The following WNK1 variants were observed in gnomAD, a reference collection of about 807,000 sequenced individuals.
The protein encoded by WNK1 is WNK lysine deficient protein kinase 1, also known as serine/threonine-protein kinase WNK1.
WNK1 carries 38 observed loss-of-function variants against 222.8 expected under a neutral mutation model. That is an observed-to-expected ratio of 0.17 (90% CI 0.13 to 0.22). WNK1 has a LOEUF of 0.22. Among genes scored for constraint, WNK1 ranks in the 10% least tolerant of loss-of-function variants. WNK1 has a pLI of 1.00. For missense variants in WNK1, 2,348 were observed against 2,918.4 expected (o/e 0.80, Z 4.50); for synonymous variants, 1,090 against 1,092.9 (o/e 1.00, Z 0.05).
chr12:810,469 G>T (rs1946806477), intron 1 of WNK1, among the ~76,000 whole-genome samples: 1 of 152,254 alleles, frequency 6.6e-6, no homozygotes, highest in African/African-American at 2.4e-5. Context: ...AAATTTAAAT[G>T]TTAATAAGAC....
intron 8 of WNK1, chr12:868,573 T>A: frequency 6.2e-7 from 1 of 1,614,002 alleles, no homozygotes; most frequent in Non-Finnish European, 8.5e-7. Context: ...TTGTTCCTCA[T>A]TCTGCGCCTG....
intron 8 of WNK1, among the ~76,000 whole-genome samples, chr12:866,232 A>G (rs922397996): frequency 4.6e-5 from 7 of 152,210 alleles, no homozygotes; most frequent in African/African-American, 1.7e-4. Context: ...GAAAATAGAA[A>G]TCCTTATTTA....
At chr12:789,660 C>G (rs917850553) in intron 1 of WNK1, among the ~76,000 whole-genome samples, 2 of 151,100 alleles carry the variant, frequency 1.3e-5, no homozygotes, top group Admixed American at 1.3e-4. Context: ...GTAGCTGAGA[C>G]TACAGGTGTA....
intron 9 of WNK1, among the ~76,000 whole-genome samples, chr12:872,557 G>A (rs1952246470): frequency 1.3e-5 from 2 of 152,180 alleles, no homozygotes; most frequent in African/African-American, 2.4e-5. Flanking sequence ...AATATTTATA[G>A]TGCATCACTG....
chr12:857,121 G>T (rs1243582161), intron 4 of WNK1, 40 bp from the exon 5 acceptor site: 2 of 1,588,102 alleles, frequency 1.3e-6, no homozygotes, highest in African/African-American at 1.3e-5. Flanking sequence ...AAGTTCAAAG[G>T]CCCTGCTTTT....
At chr12:797,631 A>G (rs1046036112) in intron 1 of WNK1, among the ~76,000 whole-genome samples, 1 of 152,114 alleles carries the variant, frequency 6.6e-6, no homozygotes, top group Admixed American at 6.5e-5. Context: ...TAAGATGACC[A>G]TAATACTCTC....
chr12:886,179 CAT>C (rs2154084886), intron 19 of WNK1, 95 bp downstream of exon 19: 3 of 1,124,808 alleles, frequency 2.7e-6, no homozygotes, highest in Non-Finnish European at 3.7e-6. Flanking sequence ...AAGTTAGAAA[CAT>C]ATTTATAAAG....
chr12:753,592 G>A lies in WNK1; in HGVS notation c.27G>A (p.Gln9=). Residue 9 remains glutamine, a synonymous_variant, in exon 1 of 28, where the codon CAG becomes CAA. Coordinates refer to ENST00000315939, the MANE Select transcript of WNK1 (RefSeq NM_018979.4). The surrounding 1 kb of genome is among the most constrained non-coding windows in gnomAD (Gnocchi z 5.2). ...TGTCTGGCGGCGCCGCAGAGAAGCA[G>A]AGCAGCACTCCCGGTTCCCTGTTCC... MSGGAAEK[Q]SSTPGSLFLS... is the part of the protein sequence containing the mutation. The A allele has an allele frequency of 1.2e-6, 2 of 1,612,716 alleles. No individual in the cohort carries two copies. The highest frequency in any genetic ancestry group is 8.5e-7 in the Non-Finnish European group (1 of 1,179,930).
At chr12:760,160 C>T (rs912338811) in intron 1 of WNK1, among the ~76,000 whole-genome samples, 1 of 148,154 alleles carries the variant, frequency 6.7e-6, no homozygotes, top group African/African-American at 2.4e-5. Flanking sequence ...TCTTTCTGAA[C>T]TGCTTATTTT....
chr12:771,267 G>A (rs1434617026), intron 1 of WNK1, among the ~76,000 whole-genome samples: 3 of 152,118 alleles, frequency 2.0e-5, no homozygotes, highest in Admixed American at 2.0e-4. Flanking sequence ...AAAGTGCTGG[G>A]ATGACAGGTG....
rs757743246 is a variant in WNK1, at chr12:871,332, T to C, written c.2207T>C (p.Ile736Thr). The C allele has an allele frequency of 6.2e-7, 1 of 1,614,166 alleles. No individual in the cohort carries two copies. The highest frequency in any genetic ancestry group is 2.2e-5 in the East Asian group (1 of 44,884). ...ACAGGGGTTTCATCTTCCCAACCCA[T>C]ACAACATCCTCAGCAGGTGAGAACA... ...SLTGVSSSQP[I>T]QHPQQQQGIQ... Residue 736 changes from isoleucine (I) to threonine (T), a missense_variant, in exon 9 of 28, where the codon ATA becomes ACA. Physicochemically the swap from Ile to Thr is moderately conservative, Grantham distance 89. Around this residue, in one of 13 missense-constraint regions of WNK1, gnomAD observed 547 missense variants for 558.3 expected, o/e 0.98. Transcript: ENST00000315939.
At chr12:883,165 A>G in intron 15 of WNK1, 106 bp downstream of exon 15, 1 of 1,025,750 alleles carries the variant, frequency 9.7e-7, no homozygotes, top group South Asian at 1.3e-5. Context: ...TTTTAAAGTT[A>G]TGCATTTACT....
chr12:753,442 G>A lies in WNK1; in HGVS notation c.-124G>A. The A allele has an allele frequency of 7.6e-7, 1 of 1,315,646 alleles. No individual in the cohort carries two copies. The highest frequency in any genetic ancestry group is 1.0e-6 in the Non-Finnish European group (1 of 954,338). 81.5% of individuals were successfully genotyped at this position (1,315,646 alleles called of 1,614,324 possible). A position where few individuals can be genotyped will look rare whatever the true frequency, so the allele number is the denominator to read the frequency against. ...GCTTGTCGGTGCTGAGTGAGGCGTC[G>A]TCCGGGTCGGCGCGAACCCGCCCGG... On this transcript the variant is annotated 5_prime_UTR_variant, in exon 1 of 28. Coordinates refer to ENST00000315939, the MANE Select transcript of WNK1 (RefSeq NM_018979.4). The surrounding 1 kb of genome is among the most constrained non-coding windows in gnomAD (Gnocchi z 5.2).
chr12:875,130 T>A (rs1334517294), intron 9 of WNK1, among the ~76,000 whole-genome samples: 12 of 152,154 alleles, frequency 7.9e-5, no homozygotes, highest in Admixed American at 7.9e-4. Context: ...AGAGCATAGA[T>A]ATGTGAAGGT....
rs887980909 is a variant in WNK1 at position 884,339 on chromosome 12, G to A, written c.3844+96G>A. The stretch of plus-strand genomic sequence containing the variant: ...TAAAGCAGTAATTTATGATGACACA[G>A]ATAATAAAAAAGAATAGAAAACTGA... On this transcript the variant is annotated intron_variant, in intron 18 of 27. Transcript: ENST00000315939. This position sits in a 1 kb window ranked among gnomAD's most constrained non-coding sequence, Gnocchi z 5.6. 1 of 1,553,936 alleles carries A rather than the reference G, an allele frequency of 6.4e-7. No homozygotes were observed. The highest frequency in any genetic ancestry group is 8.8e-7 in the Non-Finnish European group (1 of 1,130,998).
At chr12:766,479 T>G (rs1941707234) in intron 1 of WNK1, among the ~76,000 whole-genome samples, 1 of 146,320 alleles carries the variant, frequency 6.8e-6, no homozygotes, top group Non-Finnish European at 1.5e-5. Flanking sequence ...GCTTTAGCTT[T>G]GATTATTCTT....
At chr12:771,547 G>T (rs1942500255) in intron 1 of WNK1, among the ~76,000 whole-genome samples, 1 of 152,070 alleles carries the variant, frequency 6.6e-6, no homozygotes, top group South Asian at 2.1e-4. Context: ...CGATTCTCCT[G>T]ACCCAGCCTC....
chr12:784,057 C>CAAA (rs369176579), intron 1 of WNK1, among the ~76,000 whole-genome samples: 1 of 39,170 alleles, frequency 2.6e-5, no homozygotes. Context: ...CTGTCTCCAC[C>CAAA]AAAAAAAAAA....
chr12:752,716 C>G lies in WNK1; in HGVS notation c.-850C>G, dbSNP rs1032794580. 7.9e-5 allele frequency: 12 copies of G among 152,380 alleles called. No homozygotes were observed. Among genetic ancestry groups the G allele is most frequent in the Non-Finnish European group, 1.3e-4 (9 of 68,184 alleles). The allele number at this position is 152,380 out of a possible 1,614,324, so 9.4% of individuals were successfully genotyped here. A position where few individuals can be genotyped will look rare whatever the true frequency, so the allele number is the denominator to read the frequency against. On this transcript the variant is annotated 5_prime_UTR_variant, in exon 1 of 28. Transcript: ENST00000315939. ...TCTTTTCTCTCCCTGTTCCCCCTCA[C>G]CCAGTCCTCTAGGTCTCCTCTCCTC...
Sources: allele counts gnomAD v4.1 joint callset (sites outside exome capture counted in the v4.1 genomes callset), GRCh38; gene constraint gnomAD v4.1.1; regional missense constraint gnomAD v4.1.1; non-coding constraint Gnocchi (gnomAD v3.1); transcripts MANE v1.5; gene names NCBI Gene and HGNC (gene_info 2026-07-23, HGNC 2026-07-21).